The following GABRA3 variants were observed in gnomAD, a reference collection of about 807,000 sequenced individuals.
GABRA3 encodes gamma-aminobutyric acid receptor subunit alpha-3.
In GABRA3, 10 loss-of-function variants were observed where a neutral mutation model predicts 30.1. That is an observed-to-expected ratio of 0.33 (90% CI 0.20 to 0.56). GABRA3 has a LOEUF of 0.56. GABRA3 is among the 20% of genes least tolerant of loss of function. GABRA3 has a pLI of 0.89. For missense variants in GABRA3, 233 were observed against 392.0 expected (o/e 0.59, Z 3.42); for synonymous variants, 151 against 146.8 (o/e 1.03, Z -0.21).
chrX:152,359,692 T>G (rs1394620921), intron 2 of GABRA3, among the ~76,000 whole-genome samples: 2 of 111,368 alleles, frequency 1.8e-5, no homozygotes, highest in African/African-American at 6.5e-5. Context: ...GGGCATTTAG[T>G]GCTACAAACT....
chrX:152,181,797 T>C (rs962793694), intron 9 of GABRA3, among the ~76,000 whole-genome samples: 1 of 104,454 alleles, frequency 9.6e-6, no homozygotes, highest in Non-Finnish European at 1.9e-5. Flanking sequence ...ATTGTGCACA[T>C]GTACCCTAAA....
chrX:152,342,177 A>G (rs1463068573), intron 3 of GABRA3, among the ~76,000 whole-genome samples: 1 of 112,521 alleles, frequency 8.9e-6, no homozygotes, highest in Non-Finnish European at 1.9e-5. Context: ...GGCCCTATTG[A>G]CTTTTTAATA....
chrX:152,316,104 C>A (rs186562824), intron 3 of GABRA3, among the ~76,000 whole-genome samples: 2 of 107,942 alleles, frequency 1.9e-5, no homozygotes, highest in Admixed American at 1.0e-4. Flanking sequence ...AGGGTCCTCA[C>A]AGAATCCATT....
chrX:152,262,027 T>A (rs764076334), intron 4 of GABRA3, among the ~76,000 whole-genome samples: 2 of 112,586 alleles, frequency 1.8e-5, no homozygotes, highest in African/African-American at 6.4e-5. Context: ...CTCAACATCT[T>A]GTGGAAGCTG....
At chrX:152,212,826 C>A (rs1255453512) in intron 6 of GABRA3, among the ~76,000 whole-genome samples, 1 of 111,712 alleles carries the variant, frequency 9.0e-6, no homozygotes, top group East Asian at 2.8e-4. Flanking sequence ...TATTCACCCA[C>A]TGGGGAGCAG....
chrX:152,397,449 A>T (rs1929688625), intron 1 of GABRA3, among the ~76,000 whole-genome samples: 1 of 111,915 alleles, frequency 8.9e-6, no homozygotes, highest in African/African-American at 3.2e-5. Context: ...CAGAAGCAGA[A>T]GCCACAGGTG....
intron 3 of GABRA3, among the ~76,000 whole-genome samples, chrX:152,322,355 T>C (rs1324437885): frequency 9.0e-6 from 1 of 111,319 alleles, no homozygotes; most frequent in African/African-American, 3.3e-5. Flanking sequence ...GGTAAACTGC[T>C]TAATGGATAA....
At chrX:152,343,798 A>G (rs1020986629) in intron 3 of GABRA3, among the ~76,000 whole-genome samples, 1 of 112,479 alleles carries the variant, frequency 8.9e-6, no homozygotes, top group African/African-American at 3.2e-5. Flanking sequence ...TGTTTATTGT[A>G]GTACTATGGG....
intron 2 of GABRA3, among the ~76,000 whole-genome samples, chrX:152,348,732 C>T (rs1203145853): frequency 4.5e-5 from 5 of 112,212 alleles, no homozygotes; most frequent in South Asian, 3.7e-4. Context: ...TATGTTTATA[C>T]TGTACAGCAC....
At chrX:152,231,323 G>GTACACGTGTGTGTA (rs1439794331) in intron 5 of GABRA3, among the ~76,000 whole-genome samples, 2 of 108,353 alleles carry the variant, frequency 1.8e-5, no homozygotes, top group Non-Finnish European at 3.9e-5. Flanking sequence ...ACGTGTGTGT[G>GTACACGTGTGTGTA]TACACGTGTG....
At chrX:152,222,676 A>G (rs1217861799) in intron 6 of GABRA3, among the ~76,000 whole-genome samples, 4 of 110,435 alleles carry the variant, frequency 3.6e-5, no homozygotes, top group Non-Finnish European at 7.6e-5. Flanking sequence ...TTCAAAGAGA[A>G]GTATCTTTTC....
intron 9 of GABRA3, among the ~76,000 whole-genome samples, chrX:152,178,693 T>C (rs191179655): frequency 3.6e-5 from 4 of 111,936 alleles, no homozygotes; most frequent in African/African-American, 1.3e-4. Flanking sequence ...TTCATTTAAA[T>C]TTGCTTTTAT....
intron 3 of GABRA3, among the ~76,000 whole-genome samples, chrX:152,316,733 C>G (rs1393691155): frequency 8.9e-6 from 1 of 111,793 alleles, no homozygotes; most frequent in South Asian, 3.7e-4. Context: ...CAATTATCAG[C>G]CAAGAATTTT....
At chrX:152,183,296 T>C (rs887388268) in intron 9 of GABRA3, among the ~76,000 whole-genome samples, 3 of 110,886 alleles carry the variant, frequency 2.7e-5, no homozygotes, top group Non-Finnish European at 5.7e-5. Context: ...GCAGGTGATG[T>C]ATGTCTAGGA....
intron 2 of GABRA3, among the ~76,000 whole-genome samples, chrX:152,348,298 CAT>C (rs985262211): frequency 1.8e-5 from 2 of 111,361 alleles, no homozygotes; most frequent in African/African-American, 6.5e-5. Flanking sequence ...TCATTTTACA[CAT>C]GAGACACCTA....
intron 1 of GABRA3, among the ~76,000 whole-genome samples, chrX:152,383,814 C>A (rs764075472): frequency 9.1e-6 from 1 of 109,980 alleles, no homozygotes; most frequent in Admixed American, 9.8e-5. Flanking sequence ...GATGCCCACC[C>A]TTGCCACTTC....
chrX:152,203,503 G>C (rs1235158926), intron 7 of GABRA3, among the ~76,000 whole-genome samples: 1 of 111,700 alleles, frequency 9.0e-6, no homozygotes, highest in Non-Finnish European at 1.9e-5. Flanking sequence ...CTATTTATTG[G>C]TACTTTATCA....
At chrX:152,341,760 T>G (rs1050728100) in intron 3 of GABRA3, among the ~76,000 whole-genome samples, 10 of 110,876 alleles carry the variant, frequency 9.0e-5, no homozygotes, top group Non-Finnish European at 1.9e-4. Context: ...CAGGATGGTC[T>G]CGATCTCTTG....
chrX:152,391,703 A>C (rs775545443), intron 1 of GABRA3, among the ~76,000 whole-genome samples: 4 of 111,609 alleles, frequency 3.6e-5, no homozygotes, highest in African/African-American at 1.3e-4. Flanking sequence ...ACAACACAGC[A>C]ATGAATGACT....
Sources: gnomAD v4.1 joint callset for allele counts (sites outside exome capture counted in the v4.1 genomes callset) on GRCh38, gnomAD v4.1.1 for gene constraint, MANE v1.5 for transcripts, NCBI Gene and HGNC (gene_info 2026-07-23, HGNC 2026-07-21) for gene names.